PATJ: variants seen among roughly 807,000 people sequenced by gnomAD.
The protein encoded by PATJ is inaD-like protein.
In PATJ, 190 loss-of-function variants were observed where a neutral mutation model predicts 224.9. That is an observed-to-expected ratio of 0.84 (90% CI 0.75 to 0.95). The LOEUF (loss-of-function observed/expected upper bound fraction) is 0.95, where lower values mean the gene tolerates loss of function less well. Ranked by LOEUF, PATJ falls within the 40% of genes least tolerant of loss-of-function variation. PATJ has a pLI of 0.00. For synonymous variants in PATJ, 769 were observed against 820.3 expected, an observed-to-expected ratio of 0.94 and a Z score of 1.07; for missense variants, 2,121 against 2,270.3, an observed-to-expected ratio of 0.93 and a Z score of 1.34.
chr1:62,018,500 A>G lies in PATJ; in HGVS notation c.3959+553A>G, dbSNP rs1646904925. ...TGGTACAAGTAAATCAGAATTAGGA[A>G]TCTTACTGTTTGTAGTCAACATTGC... On this transcript the variant is annotated intron_variant, in intron 29 of 43. Transcript: ENST00000642238. The surrounding 1 kb of genome is among the most constrained non-coding windows in gnomAD (Gnocchi z 4.2). 6.6e-6 allele frequency among the ~76,000 whole-genome samples: 1 copy of G among 152,182 alleles called. No individual in the cohort carries two copies. Among genetic ancestry groups the G allele is most frequent in the Non-Finnish European group, 1.5e-5 (1 of 68,038 alleles).
intron 29 of PATJ, among the ~76,000 whole-genome samples, chr1:62,030,788 G>GAAAGAAA (rs1649103117): frequency 1.3e-5 from 2 of 152,040 alleles, no homozygotes; most frequent in African/African-American, 4.8e-5. Context: ...ATTCTTTTGT[G>GAAAGAAA]TCTGGTTTCT....
chr1:61,963,238 C>T (rs1471126102), intron 27 of PATJ, among the ~76,000 whole-genome samples: 1 of 152,120 alleles, frequency 6.6e-6, no homozygotes, highest in African/African-American at 2.4e-5. Context: ...ATCAGTTAGG[C>T]ACGTATTTTG....
chr1:62,111,050 G>A (rs1254638300), intron 34 of PATJ, among the ~76,000 whole-genome samples: 1 of 152,220 alleles, frequency 6.6e-6, no homozygotes, highest in African/African-American at 2.4e-5. Flanking sequence ...TGGAAACCAT[G>A]AACTTAGATC....
intron 14 of PATJ, 125 bp downstream of exon 14, chr1:61,808,655 T>C (rs1387426043): frequency 1.7e-6 from 1 of 601,998 alleles, no homozygotes; most frequent in Non-Finnish European, 2.9e-6. Context: ...CCTCCCAAAG[T>C]GTTAGGATTA....
intron 29 of PATJ, among the ~76,000 whole-genome samples, chr1:62,020,888 C>T (rs1192705891): frequency 1.3e-5 from 2 of 152,030 alleles, no homozygotes; most frequent in Admixed American, 6.6e-5. Flanking sequence ...TGCAGTGGTG[C>T]GATCTTGGCA....
chr1:62,043,909 G>T (rs1194179944), intron 30 of PATJ, among the ~76,000 whole-genome samples: 1 of 151,918 alleles, frequency 6.6e-6, no homozygotes, highest in Non-Finnish European at 1.5e-5. Context: ...AGATTTTTTT[G>T]CAGAGACAGA....
chr1:61,751,372 A>G (rs3790579), intron 1 of PATJ, among the ~76,000 whole-genome samples: 55,219 of 151,974 alleles, frequency 0.36, 10,578 homozygotes, highest in South Asian at 0.5. Flanking sequence ...ATTGAATAGC[A>G]TTTTTGAGGT....
rs1004679068 is a variant in PATJ at position 61,961,830 on chromosome 1, G to A, written c.3671-28338G>A. ...CTAAAAATACAAAAATTAGCTGGGC[G>A]TGGTGGTGCATGCCTGTGATCCCAG... On this transcript the variant is annotated intron_variant, in intron 27 of 43. Transcript: ENST00000642238. 3.3e-5 allele frequency among the ~76,000 whole-genome samples: 5 copies of A among 151,980 alleles called. No individual in the cohort carries two copies. The South Asian group carries it at 6.2e-4, about 19-fold the overall frequency.
At chr1:61,788,906 TCAGGTGATCCG>T (rs2148492791) in intron 8 of PATJ, among the ~76,000 whole-genome samples, 1 of 151,930 alleles carries the variant, frequency 6.6e-6, no homozygotes, top group Admixed American at 6.6e-5. Flanking sequence ...ACTCCCAACC[TCAGGTGATCCG>T]CCCACCTCAG....
intron 43 of PATJ, among the ~76,000 whole-genome samples, chr1:62,159,912 C>G (rs1669682057): frequency 6.6e-6 from 1 of 152,142 alleles, no homozygotes; most frequent in Non-Finnish European, 1.5e-5. Flanking sequence ...GAAAACCTGT[C>G]TGATTCCCCA....
At chr1:61,898,405 ATTT>A (rs34243564) in intron 22 of PATJ, among the ~76,000 whole-genome samples, 1 of 144,646 alleles carries the variant, frequency 6.9e-6, no homozygotes, top group Non-Finnish European at 1.5e-5. Context: ...TGCCCAGCTA[ATTT>A]TTTTTTTTTT....
At chr1:61,801,823 T>G in intron 12 of PATJ, 54 bp downstream of exon 12, 1 of 1,302,618 alleles carries the variant, frequency 7.7e-7, no homozygotes, top group Non-Finnish European at 1.0e-6. Flanking sequence ...TGTTAACCAT[T>G]TTCTGTCTTT....
At chr1:61,852,226 T>A (rs1051046423) in intron 17 of PATJ, among the ~76,000 whole-genome samples, 7 of 151,868 alleles carry the variant, frequency 4.6e-5, no homozygotes, top group Non-Finnish European at 8.8e-5. Flanking sequence ...AATATAAGCC[T>A]TTTGAATAAA....
intron 13 of PATJ, among the ~76,000 whole-genome samples, chr1:61,806,458 A>C (rs1653566720): frequency 6.6e-6 from 1 of 151,808 alleles, no homozygotes; most frequent in Non-Finnish European, 1.5e-5. Flanking sequence ...TCTCTACTAA[A>C]AATACAAAAA....
At chr1:61,868,269 A>G (rs1264008412) in intron 20 of PATJ, among the ~76,000 whole-genome samples, 2 of 152,182 alleles carry the variant, frequency 1.3e-5, no homozygotes, top group African/African-American at 4.8e-5. Context: ...ATCATCCCAC[A>G]CTGAAACTCT....
intron 14 of PATJ, among the ~76,000 whole-genome samples, chr1:61,816,265 A>G (rs542655161): frequency 1.6e-4 from 24 of 152,196 alleles, no homozygotes; most frequent in African/African-American, 5.8e-4. Flanking sequence ...CTTTAAATAT[A>G]TTTTCTCCTA....
intron 28 of PATJ, among the ~76,000 whole-genome samples, chr1:62,004,562 TA>T (rs1353904938): frequency 6.6e-6 from 1 of 152,024 alleles, no homozygotes; most frequent in Non-Finnish European, 1.5e-5. Flanking sequence ...ATTTTGGCTA[TA>T]AGTTCTGATT....
intron 17 of PATJ, among the ~76,000 whole-genome samples, chr1:61,843,659 G>A (rs183429212): frequency 3.7e-3 from 556 of 151,198 alleles, no homozygotes; most frequent in Middle Eastern, 6.8e-3. Flanking sequence ...TTCAGAGGCT[G>A]CAGTGAGCTG....
At chr1:61,916,416 G>C (rs923670955) in intron 26 of PATJ, among the ~76,000 whole-genome samples, 12 of 151,726 alleles carry the variant, frequency 7.9e-5, no homozygotes, top group African/African-American at 2.9e-4. Flanking sequence ...TAAACTCTTT[G>C]GAATAAGGTA....
Sources: allele counts gnomAD v4.1 joint callset (sites outside exome capture counted in the v4.1 genomes callset), GRCh38; gene constraint gnomAD v4.1.1; non-coding constraint Gnocchi (gnomAD v3.1); transcripts MANE v1.5; gene names NCBI Gene and HGNC (gene_info 2026-07-23, HGNC 2026-07-21).